LPP: variants seen among roughly 807,000 people sequenced by gnomAD.
The protein encoded by LPP is lipoma-preferred partner.
In LPP, 38 loss-of-function variants were observed where a neutral mutation model predicts 60.4. The ratio of observed to expected loss-of-function variants is 0.63; its 90% CI spans 0.49 to 0.83. The LOEUF (loss-of-function observed/expected upper bound fraction) is 0.83, where lower values mean the gene tolerates loss of function less well. Among genes scored for constraint, LPP ranks in the 40% least tolerant of loss-of-function variants. The probability of loss-of-function intolerance (pLI) is 0.00; values close to 1 mark genes in which losing one functional copy is unlikely to be tolerated. For missense variants in LPP, 902 were observed against 783.6 expected (o/e 1.15, Z -1.80); for synonymous variants, 328 against 290.8 (o/e 1.13, Z -1.30).
intron 2 of LPP, among the ~76,000 whole-genome samples, chr3:188,251,095 C>T (rs1170475966): frequency 7.0e-6 from 1 of 142,462 alleles, no homozygotes; most frequent in Non-Finnish European, 1.5e-5. Flanking sequence ...CTCTCTTTCT[C>T]TCTCTCTCTT....
chr3:188,458,053 G>A (rs1798170831), intron 4 of LPP, among the ~76,000 whole-genome samples: 1 of 152,092 alleles, frequency 6.6e-6, no homozygotes. Context: ...ATTTCCTTAG[G>A]CAAACTCAAA....
intron 3 of LPP, among the ~76,000 whole-genome samples, chr3:188,399,092 A>G (rs1462542102): frequency 6.6e-6 from 1 of 152,240 alleles, no homozygotes; most frequent in Non-Finnish European, 1.5e-5. Flanking sequence ...TGTCATTTGT[A>G]CCATCTAATT....
At chr3:188,619,695 T>G (rs1243975352) in intron 7 of LPP, among the ~76,000 whole-genome samples, 1 of 152,238 alleles carries the variant, frequency 6.6e-6, no homozygotes, top group Non-Finnish European at 1.5e-5. Context: ...CAGAAAAACA[T>G]TGTTGACTGC....
At chr3:188,391,177 G>A (rs973560224) in intron 3 of LPP, among the ~76,000 whole-genome samples, 1 of 152,224 alleles carries the variant, frequency 6.6e-6, no homozygotes, top group East Asian at 1.9e-4. Flanking sequence ...CCCTGGGTTA[G>A]AAAACAGGGC....
intron 4 of LPP, among the ~76,000 whole-genome samples, chr3:188,415,841 C>A (rs1326938997): frequency 6.6e-6 from 1 of 152,012 alleles, no homozygotes; most frequent in Admixed American, 6.6e-5. Flanking sequence ...ATGGGTGGAA[C>A]AGATCTGTAC....
rs1560637074 is a variant in LPP at position 188,609,779 on chromosome 3, G to A, written c.1048G>A (p.Gly350Ser). Residue 350 changes from glycine to serine, a missense_variant, in exon 7 of 12, where the codon GGT (glycine) becomes AGT (serine). Coordinates refer to ENST00000617246, the MANE Select transcript of LPP (RefSeq NM_001375462.1). The surrounding 1 kb of genome is among the most constrained non-coding windows in gnomAD (Gnocchi z 6.9). ...QNPPGMYPVT[G>S]PKKTYITDPV... is the part of the protein sequence containing the mutation. Reference sequence around the variant, plus strand: ...CCCTCCTGGGATGTATCCAGTCACTGGTCCCAAGAAGACCTATATCACAGA... The same window carrying A: ...CCCTCCTGGGATGTATCCAGTCACTAGTCCCAAGAAGACCTATATCACAGA... The A allele has an allele frequency of 1.2e-6, 2 of 1,614,044 alleles. No homozygotes were observed. The highest frequency in any genetic ancestry group is 2.2e-5 in the South Asian group (2 of 91,090).
At chr3:188,850,282 G>A (rs1762415312) in intron 9 of LPP, among the ~76,000 whole-genome samples, 1 of 152,084 alleles carries the variant, frequency 6.6e-6, no homozygotes, top group Non-Finnish European at 1.5e-5. Context: ...AATATTTAGT[G>A]GGCAAAATTA....
chr3:188,798,325 C>T (rs1745994576), intron 9 of LPP, among the ~76,000 whole-genome samples: 1 of 152,180 alleles, frequency 6.6e-6, no homozygotes, highest in African/African-American at 2.4e-5. Context: ...AGGGCCTATA[C>T]TCTTGATATT....
chr3:188,607,020 C>G (rs888468802), intron 6 of LPP, among the ~76,000 whole-genome samples: 4 of 151,332 alleles, frequency 2.6e-5, no homozygotes, highest in African/African-American at 7.3e-5. Context: ...AAATTGAAAA[C>G]CAATAACATT....
intron 9 of LPP, among the ~76,000 whole-genome samples, chr3:188,843,520 G>A (rs936600760): frequency 1.3e-5 from 2 of 152,022 alleles, no homozygotes; most frequent in Non-Finnish European, 2.9e-5. Context: ...GGGCGCGGTG[G>A]CTCACGCCTG....
chr3:188,639,097 G>A (rs1015301956), intron 7 of LPP, among the ~76,000 whole-genome samples: 37 of 151,644 alleles, frequency 2.4e-4, no homozygotes, highest in Admixed American at 7.3e-4. Context: ...GAGGCATCAC[G>A]CTACCTGACT....
chr3:188,410,920 A>G (rs1296056743), intron 4 of LPP, among the ~76,000 whole-genome samples: 2 of 152,122 alleles, frequency 1.3e-5, no homozygotes, highest in Non-Finnish European at 1.5e-5. Context: ...AGTCCATTAT[A>G]TCATTCTTAT....
intron 3 of LPP, among the ~76,000 whole-genome samples, chr3:188,380,133 C>T (rs920754830): frequency 2.0e-5 from 3 of 152,200 alleles, no homozygotes. Flanking sequence ...ACAACTCCCT[C>T]CCAAGTACTT....
At chr3:188,239,731 A>T (rs2149434186) in intron 2 of LPP, 1 of 217,960 alleles carries the variant, frequency 4.6e-6, no homozygotes, top group African/African-American at 2.2e-5. Flanking sequence ...AAATAAACAA[A>T]TAAACAAGCA....
intron 5 of LPP, among the ~76,000 whole-genome samples, chr3:188,507,466 T>C (rs1813873886): frequency 6.6e-6 from 1 of 151,762 alleles, no homozygotes; most frequent in Non-Finnish European, 1.5e-5. Context: ...AAAATAAATA[T>C]GGGAATTTTT....
chr3:188,651,579 AATGGACTTATGGTTCCAC>A (rs1852095547), intron 7 of LPP, among the ~76,000 whole-genome samples: 1 of 152,220 alleles, frequency 6.6e-6, no homozygotes, highest in African/African-American at 2.4e-5. Flanking sequence ...AAGAAGTTTC[AATGGACTTATGGTTCCAC>A]ATGGCTGGGG....
At chr3:188,260,997 C>T (rs9834208) in intron 2 of LPP, among the ~76,000 whole-genome samples, 3,008 of 152,142 alleles carry the variant, frequency 0.02, 47 homozygotes, top group African/African-American at 0.026. Context: ...CCCTTGAACC[C>T]GGGAGGCGGA....
chr3:188,176,815 C>T (rs939071752), intron 1 of LPP, among the ~76,000 whole-genome samples: 1 of 152,222 alleles, frequency 6.6e-6, no homozygotes, highest in Non-Finnish European at 1.5e-5. Context: ...TGCACCCTCT[C>T]ATGCACCAGT....
chr3:188,640,211 C>T (rs1021555745), intron 7 of LPP, among the ~76,000 whole-genome samples: 5 of 151,246 alleles, frequency 3.3e-5, no homozygotes, highest in Non-Finnish European at 7.4e-5. Context: ...AGTTCATGTC[C>T]TTTGTAGGGA....
Sources: allele counts gnomAD v4.1 joint callset (sites outside exome capture counted in the v4.1 genomes callset), GRCh38; gene constraint gnomAD v4.1.1; non-coding constraint Gnocchi (gnomAD v3.1); transcripts MANE v1.5; gene names NCBI Gene and HGNC (gene_info 2026-07-23, HGNC 2026-07-21).